EML1: variants seen among roughly 807,000 people sequenced by gnomAD.
EML1 encodes echinoderm microtubule-associated protein-like 1.
A neutral mutation model predicts 110.4 loss-of-function variants in EML1; 27 were observed. The ratio of observed to expected loss-of-function variants is 0.24; its 90% CI spans 0.18 to 0.34. The LOEUF (loss-of-function observed/expected upper bound fraction) is 0.34, where lower values mean the gene tolerates loss of function less well. EML1 is among the 10% of genes least tolerant of loss of function. The probability of loss-of-function intolerance (pLI) is 1.00; values close to 1 mark genes in which losing one functional copy is unlikely to be tolerated. For synonymous variants in EML1, 344 were observed against 385.8 expected (o/e 0.89, Z 1.27); for missense variants, 741 against 1,030.9 (o/e 0.72, Z 3.85).
In EML1 at chr14:99,936,354, T is replaced by A; in HGVS notation, c.2095+20T>A. On this transcript the variant is annotated intron_variant, in intron 19 of 21. Coordinates refer to ENST00000262233, the MANE Select transcript of EML1 (RefSeq NM_004434.3). This position sits in a 1 kb window ranked among gnomAD's most constrained non-coding sequence, Gnocchi z 5.5. ...TCTACTGTGAGTACCACCCCGGGGTTGTATGAAGTCTCGATCTCAGAAAGC... is the reference window on the plus strand; with the variant it reads ...TCTACTGTGAGTACCACCCCGGGGTAGTATGAAGTCTCGATCTCAGAAAGC... 6.2e-7 allele frequency: 1 copy of A among 1,608,042 alleles called. No homozygotes were observed. Among genetic ancestry groups the A allele is most frequent in the Admixed American group, 1.7e-5 (1 of 59,898 alleles).
At chr14:99,860,436 A>G (rs1450010967) in intron 2 of EML1, among the ~76,000 whole-genome samples, 1 of 152,110 alleles carries the variant, frequency 6.6e-6, no homozygotes, top group Non-Finnish European at 1.5e-5. Flanking sequence ...TTATCTGAAA[A>G]TGATTCATTA....
intron 19 of EML1, among the ~76,000 whole-genome samples, chr14:99,937,477 G>A (rs1003154034): frequency 2.0e-5 from 3 of 152,040 alleles, no homozygotes; most frequent in Non-Finnish European, 4.4e-5. Flanking sequence ...GGGCCTGACC[G>A]CAGAGGCAGA....
intron 1 of EML1, among the ~76,000 whole-genome samples, chr14:99,756,831 T>A (rs2057261007): frequency 6.6e-6 from 1 of 152,044 alleles, no homozygotes; most frequent in African/African-American, 2.4e-5. Flanking sequence ...TCAACCCCCC[T>A]CTCACGTCCC....
intron 17 of EML1, among the ~76,000 whole-genome samples, chr14:99,928,260 G>A (rs2060303633): frequency 7.0e-6 from 1 of 142,026 alleles, no homozygotes; most frequent in African/African-American, 2.6e-5. Flanking sequence ...TAGTGGTGTA[G>A]TTTTGGTGCC....
rs114796550 is a variant in EML1, at chr14:99,756,657, G to T, written c.28+18797G>T. 3.7e-3 allele frequency among the ~76,000 whole-genome samples: 567 copies of T among 152,234 alleles called. 5 individuals are homozygous for T. The highest frequency in any genetic ancestry group is 0.013 in the African/African-American group (544 of 41,540). Reference sequence around the variant, plus strand: ...CCCAGTGGTTCTCAAACGCTGGTGGGCACTGCAGTCGCCTGGAGGTGGGGA... The same window carrying T: ...CCCAGTGGTTCTCAAACGCTGGTGGTCACTGCAGTCGCCTGGAGGTGGGGA... On this transcript the variant is annotated intron_variant, in intron 1 of 10. Coordinates refer to the EML1 transcript ENST00000554479.
intron 1 of EML1, among the ~76,000 whole-genome samples, chr14:99,739,299 C>A (rs1295053593): frequency 6.6e-6 from 1 of 152,116 alleles, no homozygotes; most frequent in African/African-American, 2.4e-5. Flanking sequence ...CCCTGCCCCA[C>A]ACCTGACGCT....
At position 99,882,338 on chromosome 14, in the gene EML1, T is replaced by C. The variant is rs543881336; in HGVS notation, c.518+3719T>C. On this transcript the variant is annotated intron_variant, in intron 4 of 21. Coordinates refer to ENST00000262233, the MANE Select transcript of EML1 (RefSeq NM_004434.3). ...GCTGCTTATTTAGAAGCACGGTTCA[T>C]GTTAGATGTTGCTAGATTGATAAAG... 3.9e-5 allele frequency among the ~76,000 whole-genome samples: 6 copies of C among 152,310 alleles called. No homozygotes were observed. In the East Asian group the frequency reaches 1.2e-3, roughly 29 times the overall value.
intron 3 of EML1, among the ~76,000 whole-genome samples, chr14:99,876,208 C>T (rs1566911778): frequency 6.6e-6 from 1 of 152,138 alleles, no homozygotes; most frequent in Non-Finnish European, 1.5e-5. Flanking sequence ...CAGCCCCAGG[C>T]AGGAGCTGCC....
Position 99,798,033 on chromosome 14 carries a change from A to G in EML1, c.67+4490A>G, listed in dbSNP as rs1017995315. ...AGCATTTTCAAGAGACTGGAAAGTAACTACCTCTCCAGGCAATCCATTTTT... is the reference window on the plus strand; with the variant it reads ...AGCATTTTCAAGAGACTGGAAAGTAGCTACCTCTCCAGGCAATCCATTTTT... On this transcript the variant is annotated intron_variant, in intron 1 of 21. Transcript: ENST00000262233. 5.3e-5 allele frequency among the ~76,000 whole-genome samples: 8 copies of G among 152,312 alleles called. No individual in the cohort carries two copies. The South Asian group carries it at 1.7e-3, about 32-fold the overall frequency.
chr14:99,797,735 T>C (rs2057801621), intron 1 of EML1, among the ~76,000 whole-genome samples: 1 of 152,226 alleles, frequency 6.6e-6, no homozygotes, highest in Non-Finnish European at 1.5e-5. Context: ...CCACAGGTTA[T>C]AAGAATCTCA....
chr14:99,898,138 C>G, intron 7 of EML1, 95 bp from the exon 8 acceptor site: 1 of 1,040,548 alleles, frequency 9.6e-7, no homozygotes, highest in Non-Finnish European at 1.3e-6. Flanking sequence ...TTATATATTT[C>G]TTATATTTAA....
intron 1 of EML1, among the ~76,000 whole-genome samples, chr14:99,780,873 C>CTTAT (rs2057532350): frequency 6.6e-6 from 1 of 152,110 alleles, no homozygotes; most frequent in Non-Finnish European, 1.5e-5. Context: ...ACCATCTGGG[C>CTTAT]TTATGTAAGT....
chr14:99,811,745 G>A (rs887836088), intron 1 of EML1, among the ~76,000 whole-genome samples: 3 of 151,426 alleles, frequency 2.0e-5, no homozygotes, highest in Non-Finnish European at 4.4e-5. Flanking sequence ...GGAAGGTTGA[G>A]GCTGCAGTGA....
intron 1 of EML1, among the ~76,000 whole-genome samples, chr14:99,800,178 T>C (rs183291608): frequency 1.0e-3 from 152 of 152,288 alleles, no homozygotes; most frequent in African/African-American, 3.6e-3. Context: ...TCACTAGACG[T>C]TTGGCACATA....
rs1444322697 is a variant in EML1 at position 99,914,292 on chromosome 14, A to C, written c.1608A>C (p.Thr536=). Reference sequence around the variant, plus strand: ...AGGGCACTCTGTCAGGGGACTTCACACCCATTACTCAGGTACGATCCCACT... The same window carrying C: ...AGGGCACTCTGTCAGGGGACTTCACCCCCATTACTCAGGTACGATCCCACT... ...VLQGTLSGDF[T]PITQGHTDEL... Residue 536 remains threonine, a synonymous_variant, in exon 14 of 22, where the codon ACA becomes ACC. Coordinates refer to ENST00000262233, the MANE Select transcript of EML1 (RefSeq NM_004434.3). 1 of 1,612,394 alleles carries C rather than the reference A, an allele frequency of 6.2e-7. No homozygotes were observed. The highest frequency in any genetic ancestry group is 8.5e-7 in the Non-Finnish European group (1 of 1,178,608).
At position 99,760,988 on chromosome 14, in the gene EML1, T is replaced by C. The variant is rs116426787; in HGVS notation, c.28+23128T>C. On this transcript the variant is annotated intron_variant, in intron 1 of 10. Transcript: ENST00000554479. ...AAAGAAAAACAGAACCACAGACAAATGCCAGAGCCCTCTCAGACCAACCAT... is the reference window on the plus strand; with the variant it reads ...AAAGAAAAACAGAACCACAGACAAACGCCAGAGCCCTCTCAGACCAACCAT... Among the ~76,000 whole-genome samples the C allele has an allele frequency of 6.4e-3, 971 of 151,320 alleles. 10 individuals are homozygous for C. The highest frequency in any genetic ancestry group is 0.022 in the African/African-American group (912 of 41,188).
intron 3 of EML1, among the ~76,000 whole-genome samples, chr14:99,866,124 A>G (rs997284118): frequency 1.3e-5 from 2 of 152,230 alleles, no homozygotes; most frequent in African/African-American, 4.8e-5. Flanking sequence ...CTTTGCTATT[A>G]TTTTGTAATT....
At chr14:99,791,747 C>T (rs2057676027), upstream of EML1, among the ~76,000 whole-genome samples, 1 of 152,188 alleles carries the variant, frequency 6.6e-6, no homozygotes, top group African/African-American at 2.4e-5. Context: ...CCTAACACAG[C>T]TCTCAACAGT....
chr14:99,866,770 A>G (rs891377056), intron 3 of EML1, among the ~76,000 whole-genome samples: 2 of 152,070 alleles, frequency 1.3e-5, no homozygotes, highest in Non-Finnish European at 2.9e-5. Flanking sequence ...TTCTGACTAC[A>G]TTAGGTATTT....
Sources: gnomAD v4.1 joint callset for allele counts (sites outside exome capture counted in the v4.1 genomes callset) on GRCh38, gnomAD v4.1.1 for gene constraint, Gnocchi (gnomAD v3.1) non-coding constraint, MANE v1.5 for transcripts, NCBI Gene and HGNC (gene_info 2026-07-23, HGNC 2026-07-21) for gene names.